The following ADAMTS19 variants were observed in gnomAD, a reference collection of about 807,000 sequenced individuals.
ADAMTS19 encodes A disintegrin and metalloproteinase with thrombospondin motifs 19.
ADAMTS19 carries 93 observed loss-of-function variants against 153.3 expected under a neutral mutation model. The observed-to-expected ratio is 0.61, with a 90% CI of 0.51 to 0.72. The LOEUF (loss-of-function observed/expected upper bound fraction) is 0.72. Ranked by LOEUF, ADAMTS19 falls within the 30% of genes least tolerant of loss-of-function variation. The pLI, the probability that ADAMTS19 is intolerant of heterozygous loss-of-function variation, is 0.00. For missense variants in ADAMTS19, 1,482 were observed against 1,552.1 expected (o/e 0.95, Z 0.76); for synonymous variants, 600 against 556.6 (o/e 1.08, Z -1.10).
At chr5:129,536,936 C>A (rs1459904241) in intron 6 of ADAMTS19, among the ~76,000 whole-genome samples, 4 of 151,636 alleles carry the variant, frequency 2.6e-5, no homozygotes, top group Admixed American at 2.6e-4. Context: ...GGAGGGATAG[C>A]ATTAGGAGAT....
chr5:129,623,666 G>A (rs1017661107), intron 10 of ADAMTS19, among the ~76,000 whole-genome samples: 10 of 152,106 alleles, frequency 6.6e-5, no homozygotes, highest in South Asian at 4.1e-4. Context: ...CTTTTGATCA[G>A]TTTCACCCAC....
intron 21 of ADAMTS19, among the ~76,000 whole-genome samples, chr5:129,733,944 CGTGTGT>C (rs34177749): frequency 0.011 from 1,615 of 147,804 alleles, 13 homozygotes; most frequent in Middle Eastern, 0.031. Context: ...CAAGTGTGTG[CGTGTGT>C]GTGTGTGTGT....
chr5:129,692,229 T>C (rs1755369357), intron 18 of ADAMTS19, among the ~76,000 whole-genome samples: 1 of 152,024 alleles, frequency 6.6e-6, no homozygotes, highest in Non-Finnish European at 1.5e-5. Flanking sequence ...ATACTTCAGG[T>C]CATAAAAGAG....
At position 129,721,552 on chromosome 5, in the gene ADAMTS19, T is replaced by G. The variant is rs183967368; in HGVS notation, c.3313-13380T>G. 3.9e-4 allele frequency among the ~76,000 whole-genome samples: 59 copies of G among 152,312 alleles called. No individual in the cohort carries two copies. The East Asian group carries it at 9.8e-3, about 25-fold the overall frequency. ...TTTCTTTGAGCATCTTCTATAAGGT[T>G]GAAGTTCACCTATTTTTCAGTGTTA... On this transcript the variant is annotated intron_variant, in intron 21 of 22. Transcript: ENST00000274487.
chr5:129,472,990 C>T (rs1370916344), intron 2 of ADAMTS19, among the ~76,000 whole-genome samples: 1 of 151,614 alleles, frequency 6.6e-6, no homozygotes, highest in Non-Finnish European at 1.5e-5. Context: ...ATTGTAAACT[C>T]TTTGTGAGAG....
rs530257160 is a variant in ADAMTS19, at chr5:129,483,907, G to T, written c.747+22150G>T. ...TGAAAATGATGTCTTTGAATGGGGGGTGGGGAGACACAGGGCTTGCGTTAT... is the reference window on the plus strand; with the variant it reads ...TGAAAATGATGTCTTTGAATGGGGGTTGGGGAGACACAGGGCTTGCGTTAT... On this transcript the variant is annotated intron_variant, in intron 2 of 22. Coordinates refer to ENST00000274487, the MANE Select transcript of ADAMTS19 (RefSeq NM_133638.6). Among the ~76,000 whole-genome samples the T allele has an allele frequency of 6.2e-4, 95 of 152,242 alleles. 1 individual carries two copies. The highest frequency in any genetic ancestry group is 2.3e-3 in the African/African-American group (95 of 41,538).
intron 2 of ADAMTS19, among the ~76,000 whole-genome samples, chr5:129,482,303 C>G (rs1750441718): frequency 6.6e-6 from 1 of 152,100 alleles, no homozygotes; most frequent in African/African-American, 2.4e-5. Context: ...TCTCACCCAA[C>G]AAACTTTCCA....
intron 7 of ADAMTS19, among the ~76,000 whole-genome samples, chr5:129,588,441 T>A (rs756986806): frequency 1.3e-5 from 2 of 152,046 alleles, no homozygotes; most frequent in East Asian, 3.8e-4. Flanking sequence ...TGTGTGTGTG[T>A]GAGAGAGAAA....
intron 2 of ADAMTS19, among the ~76,000 whole-genome samples, chr5:129,476,081 A>G (rs1380050257): frequency 6.6e-6 from 1 of 152,018 alleles, no homozygotes. Flanking sequence ...GTTTTTGAAT[A>G]CGCTGTTTAT....
At chr5:129,563,894 A>G (rs945845403) in intron 7 of ADAMTS19, among the ~76,000 whole-genome samples, 4 of 152,052 alleles carry the variant, frequency 2.6e-5, no homozygotes, top group African/African-American at 9.7e-5. Flanking sequence ...TTTTCAGTTT[A>G]CTTTAAGACA....
intron 21 of ADAMTS19, among the ~76,000 whole-genome samples, chr5:129,729,456 C>T (rs572038957): frequency 6.6e-6 from 1 of 151,694 alleles, no homozygotes; most frequent in South Asian, 2.1e-4. Context: ...CTAGTAAGAA[C>T]TTGATATTTT....
chr5:129,492,057 G>T (rs1750787211), intron 2 of ADAMTS19, among the ~76,000 whole-genome samples: 1 of 152,250 alleles, frequency 6.6e-6, no homozygotes, highest in Non-Finnish European at 1.5e-5. Flanking sequence ...ATTGGCTTAT[G>T]GTTCTGCAGG....
At chr5:129,578,730 T>C (rs1749335247) in intron 7 of ADAMTS19, among the ~76,000 whole-genome samples, 1 of 152,096 alleles carries the variant, frequency 6.6e-6, no homozygotes, top group East Asian at 1.9e-4. Context: ...CTGAGAATGA[T>C]GGTTTCCAGC....
intron 3 of ADAMTS19, among the ~76,000 whole-genome samples, chr5:129,524,130 G>A (rs1049861055): frequency 6.6e-6 from 1 of 152,104 alleles, no homozygotes; most frequent in African/African-American, 2.4e-5. Flanking sequence ...CAATGGAACA[G>A]AACAGAGACC....
At chr5:129,693,978 A>T (rs1419141991) in intron 18 of ADAMTS19, among the ~76,000 whole-genome samples, 1 of 152,202 alleles carries the variant, frequency 6.6e-6, no homozygotes, top group Non-Finnish European at 1.5e-5. Flanking sequence ...CTTATTATAA[A>T]GCACTAATGA....
chr5:129,640,737 A>G (rs1752751022), intron 10 of ADAMTS19, among the ~76,000 whole-genome samples: 1 of 151,928 alleles, frequency 6.6e-6, no homozygotes, highest in Non-Finnish European at 1.5e-5. Context: ...TTCTGTCTTT[A>G]TTGACCTGTT....
intron 6 of ADAMTS19, among the ~76,000 whole-genome samples, chr5:129,549,607 A>G (rs1257747830): frequency 1.3e-5 from 2 of 151,628 alleles, no homozygotes; most frequent in East Asian, 3.9e-4. Context: ...TATAAGCACA[A>G]TGGAATTTTA....
intron 18 of ADAMTS19, among the ~76,000 whole-genome samples, chr5:129,693,323 CTCTT>C (rs1285145156): frequency 6.6e-6 from 1 of 152,154 alleles, no homozygotes; most frequent in East Asian, 1.9e-4. Flanking sequence ...ATGCCAGCTG[CTCTT>C]TCTGTTAATT....
At position 129,620,775 on chromosome 5, in the gene ADAMTS19, T is replaced by C. The variant is rs750540644; in HGVS notation, c.1619+17T>C. On this transcript the variant is annotated intron_variant, in intron 9 of 22. Transcript: ENST00000274487. ...ATTTCTCAGGTATGGAGGTCACTTA[T>C]TGTTTTTGCCTTGTGAATGATTATG... The C allele has an allele frequency of 3.7e-6, 6 of 1,609,680 alleles. No homozygotes were observed. The highest frequency in any genetic ancestry group is 2.7e-5 in the African/African-American group (2 of 74,730).
Sources: gnomAD v4.1 joint callset for allele counts (sites outside exome capture counted in the v4.1 genomes callset) on GRCh38, gnomAD v4.1.1 for gene constraint, MANE v1.5 for transcripts, NCBI Gene and HGNC (gene_info 2026-07-23, HGNC 2026-07-21) for gene names.